The following SLCO5A1 variants were observed in gnomAD, a reference collection of about 807,000 sequenced individuals.
SLCO5A1 encodes solute carrier organic anion transporter family member 5A1.
A neutral mutation model predicts 65.1 loss-of-function variants in SLCO5A1; 39 were observed. That is an observed-to-expected ratio of 0.60 (90% CI 0.46 to 0.78). The LOEUF is 0.78. Among genes scored for constraint, SLCO5A1 ranks in the 30% least tolerant of loss-of-function variants. The pLI is 0.00. For missense variants in SLCO5A1, 1,029 were observed against 1,069.4 expected (o/e 0.96, Z 0.53); for synonymous variants, 438 against 415.7 (o/e 1.05, Z -0.65).
chr8:69,832,323 T>C lies in SLCO5A1; in HGVS notation c.351A>G (p.Arg117=). The C allele has an allele frequency of 6.2e-7, 1 of 1,614,018 alleles. No individual in the cohort carries two copies. The highest frequency in any genetic ancestry group is 1.1e-5 in the South Asian group (1 of 91,078). The change falls in exon 2 of 10, where the codon AGA becomes AGG. Residue 117 remains arginine, a synonymous_variant. Transcript: ENST00000260126. This position sits in a 1 kb window ranked among gnomAD's most constrained non-coding sequence, Gnocchi z 4.5. ...VSSALAMLQE[R]RCLYVVLTDS... is the part of the protein sequence containing the mutation. The stretch of plus-strand genomic sequence containing the variant: ...CCGTGAGGACCACGTAGAGGCACCT[T>C]CTCTCCTGGAGCATGGCCAAGGCGG...
intron 2 of SLCO5A1, among the ~76,000 whole-genome samples, chr8:69,813,588 C>A (rs185589433): frequency 6.6e-6 from 1 of 152,234 alleles, no homozygotes; most frequent in East Asian, 1.9e-4. Flanking sequence ...AAAGGACTAC[C>A]TAACTCCCCA....
In SLCO5A1 at chr8:69,673,035, G is replaced by A; in HGVS notation, c.2381C>T (p.Ser794Phe). ...VGHPDNARTR[S>F]CPAFSTQGEF... is the part of the protein sequence containing the mutation. ...TCCCTGGGTGCTGAAAGCTGGGCAA[G>A]ATCTAGTCCGGGCATTGTCGGGGTG... The change falls in exon 10 of 10, where the codon TCT (serine) becomes TTT (phenylalanine). Residue 794 changes from serine (S) to phenylalanine (F), a missense_variant. Physicochemically the swap from Ser to Phe is radical, Grantham distance 155. Transcript: ENST00000260126. The A allele has an allele frequency of 1.9e-6, 3 of 1,614,228 alleles. No individual in the cohort carries two copies. Among genetic ancestry groups the A allele is most frequent in the Non-Finnish European group, 1.7e-6 (2 of 1,180,042 alleles).
intron 2 of SLCO5A1, among the ~76,000 whole-genome samples, chr8:69,815,737 A>G (rs1170364226): frequency 6.6e-6 from 1 of 151,648 alleles, no homozygotes; most frequent in Admixed American, 6.6e-5. Flanking sequence ...CCCAATTCCA[A>G]TAATATGGTC....
At chr8:69,707,719 C>T (rs1167619966) in intron 5 of SLCO5A1, among the ~76,000 whole-genome samples, 5 of 152,090 alleles carry the variant, frequency 3.3e-5, no homozygotes, top group East Asian at 1.9e-4. Flanking sequence ...GGAGGATGAC[C>T]GCAAAGGTCC....
chr8:69,804,196 A>T (rs2130905811), intron 2 of SLCO5A1, among the ~76,000 whole-genome samples: 1 of 152,338 alleles, frequency 6.6e-6, no homozygotes, highest in East Asian at 1.9e-4. Context: ...TAGAATTCTC[A>T]AGAAAGGGCA....
At chr8:69,761,497 A>C (rs1817773840) in intron 3 of SLCO5A1, 1 of 428,516 alleles carries the variant, frequency 2.3e-6, no homozygotes. Flanking sequence ...GGTCATCTAA[A>C]ATAATATCAG....
At chr8:69,830,966 G>A (rs181991569) in intron 2 of SLCO5A1, among the ~76,000 whole-genome samples, 4 of 152,278 alleles carry the variant, frequency 2.6e-5, no homozygotes, top group East Asian at 1.9e-4. Flanking sequence ...TCAAATTTTT[G>A]TTGTTGTTTT....
chr8:69,739,386 T>A (rs892212526), intron 4 of SLCO5A1, among the ~76,000 whole-genome samples: 1 of 152,274 alleles, frequency 6.6e-6, no homozygotes, highest in East Asian at 1.9e-4. Flanking sequence ...CTTAAACATC[T>A]GGGAAAAATA....
At position 69,720,972 on chromosome 8, in the gene SLCO5A1, G is replaced by A. The variant is rs1209608043; in HGVS notation, c.1424-15743C>T. Among the ~76,000 whole-genome samples the A allele has an allele frequency of 3.9e-5, 6 of 152,220 alleles. No homozygotes were observed. In the East Asian group the frequency reaches 9.6e-4, roughly 24 times the overall value. The stretch of plus-strand genomic sequence containing the variant: ...AAAGTTTTATTTACAAAAACAGGAA[G>A]CAGGCTAACTTTGGCCCAAGATCCC... On this transcript the variant is annotated intron_variant, in intron 5 of 9. Transcript: ENST00000260126.
rs746077150 is a variant in SLCO5A1 at position 69,832,326 on chromosome 8, C to A, written c.348G>T (p.Glu116Asp). The A allele has an allele frequency of 6.2e-7, 1 of 1,614,108 alleles. No individual in the cohort carries two copies. The highest frequency in any genetic ancestry group is 8.5e-7 in the Non-Finnish European group (1 of 1,180,052). The change falls in exon 2 of 10, where the codon GAG (glutamate) becomes GAT (aspartate). Residue 116 changes from glutamate (E) to aspartate (D), a missense_variant. Glu to Asp is a conservative substitution (Grantham distance 45). Transcript: ENST00000260126. This position sits in a 1 kb window ranked among gnomAD's most constrained non-coding sequence, Gnocchi z 4.5. ...SVSSALAMLQ[E>D]RRCLYVVLTD... ...TGAGGACCACGTAGAGGCACCTTCTCTCCTGGAGCATGGCCAAGGCGGAGG... is the reference window on the plus strand; with the variant it reads ...TGAGGACCACGTAGAGGCACCTTCTATCCTGGAGCATGGCCAAGGCGGAGG...
intron 6 of SLCO5A1, chr8:69,700,579 A>G (rs184759219): frequency 1.8e-4 from 28 of 152,302 alleles, no homozygotes; most frequent in Non-Finnish European, 3.5e-4. Context: ...CAAAAAATCA[A>G]AATGATCCAT....
intron 2 of SLCO5A1, among the ~76,000 whole-genome samples, chr8:69,804,361 T>C (rs892246084): frequency 3.3e-5 from 5 of 152,228 alleles, no homozygotes; most frequent in African/African-American, 1.2e-4. Flanking sequence ...TCACCCAGGC[T>C]GTAGTACAGT....
At chr8:69,826,580 G>C (rs1226614900) in intron 2 of SLCO5A1, among the ~76,000 whole-genome samples, 2 of 151,974 alleles carry the variant, frequency 1.3e-5, no homozygotes, top group East Asian at 3.8e-4. Context: ...ACCACAATGA[G>C]ATACCATCTC....
intron 2 of SLCO5A1, among the ~76,000 whole-genome samples, chr8:69,812,921 TTGC>T (rs1212773866): frequency 2.0e-5 from 3 of 152,244 alleles, no homozygotes; most frequent in Admixed American, 2.0e-4. Context: ...TTGTTAAAAG[TTGC>T]TGCTGTCCTC....
chr8:69,742,794 C>CTTTTTTTTTTTTTT (rs10633803), intron 4 of SLCO5A1, among the ~76,000 whole-genome samples: 1 of 83,194 alleles, frequency 1.2e-5, no homozygotes, highest in African/African-American at 4.9e-5. Context: ...TGAGTGGATT[C>CTTTTTTTTTTTTTT]TTTTTTTTTT....
chr8:69,704,539 G>C (rs1038533898), intron 6 of SLCO5A1, among the ~76,000 whole-genome samples: 4 of 152,132 alleles, frequency 2.6e-5, no homozygotes, highest in African/African-American at 9.7e-5. Context: ...TATCCACAAT[G>C]TCTTAAATAA....
intron 2 of SLCO5A1, among the ~76,000 whole-genome samples, chr8:69,778,745 C>T (rs1308017596): frequency 2.6e-5 from 4 of 152,084 alleles, no homozygotes; most frequent in Non-Finnish European, 5.9e-5. Flanking sequence ...TGAAGAAGGC[C>T]TTTACAGGAC....
At chr8:69,679,699 A>G in intron 7 of SLCO5A1, 80 bp from the exon 8 acceptor site, 1 of 1,550,770 alleles carries the variant, frequency 6.4e-7, no homozygotes, top group Non-Finnish European at 8.7e-7. Context: ...AAAGTTAAGT[A>G]AAAGTACTCT....
intron 6 of SLCO5A1, among the ~76,000 whole-genome samples, chr8:69,702,097 T>C (rs551505956): frequency 6.6e-6 from 1 of 152,366 alleles, no homozygotes; most frequent in South Asian, 2.1e-4. Context: ...GAGCTAGTCA[T>C]AAGACTGCTG....
Sources: gnomAD v4.1 joint callset for allele counts (sites outside exome capture counted in the v4.1 genomes callset) on GRCh38, gnomAD v4.1.1 for gene constraint, Gnocchi (gnomAD v3.1) non-coding constraint, MANE v1.5 for transcripts, NCBI Gene and HGNC (gene_info 2026-07-23, HGNC 2026-07-21) for gene names.